The following MYLK variants were observed in gnomAD, a reference collection of about 807,000 sequenced individuals.
MYLK encodes myosin light chain kinase, smooth muscle.
MYLK carries 106 observed loss-of-function variants against 203.4 expected under a neutral mutation model. The observed-to-expected ratio is 0.52, with a 90% CI of 0.45 to 0.61. The LOEUF (loss-of-function observed/expected upper bound fraction) is 0.61, where lower values mean the gene tolerates loss of function less well. MYLK is among the 20% of genes least tolerant of loss of function. MYLK has a pLI of 0.00. For synonymous variants in MYLK, 867 were observed against 959.5 expected (o/e 0.90, Z 1.78); for missense variants, 2,072 against 2,442.3 (o/e 0.85, Z 3.20).
At position 123,700,189 on chromosome 3, in the gene MYLK, G is replaced by T; in HGVS notation, c.3279C>A (p.Ser1093Arg). 1 of 1,613,886 alleles carries T rather than the reference G, an allele frequency of 6.2e-7. No homozygotes were observed. ...GTTDNEKRSE[S>R]QGTAPAFKQK... is the part of the protein sequence containing the mutation. ...GCTTGAAGGCTGGGGCTGTCCCCTG[G>T]CTCTCTGATCTCTTTTCATTATCTG... Residue 1093 changes from serine to arginine, a missense_variant, in exon 18 of 34, where the codon AGC becomes AGA. Transcript: ENST00000360304.
chr3:123,674,838 G>A (rs1050067134), intron 20 of MYLK, among the ~76,000 whole-genome samples: 1 of 152,174 alleles, frequency 6.6e-6, no homozygotes, highest in African/African-American at 2.4e-5. Flanking sequence ...AATGCCCCAC[G>A]GGGTTCATGG....
intron 4 of MYLK, among the ~76,000 whole-genome samples, chr3:123,789,034 T>A (rs2064662064): frequency 6.6e-6 from 1 of 152,136 alleles, no homozygotes; most frequent in Non-Finnish European, 1.5e-5. Context: ...CTTTTCATAC[T>A]TGACTCTGCT....
chr3:123,664,164 G>A lies in MYLK; in HGVS notation c.3926C>T (p.Thr1309Ile), dbSNP rs766916222. 6.8e-6 allele frequency: 11 copies of A among 1,614,154 alleles called. No individual in the cohort carries two copies. In the South Asian group the frequency reaches 1.2e-4, roughly 18 times the overall value. Residue 1309 changes from threonine (T) to isoleucine (I), a missense_variant, in exon 23 of 34, where the codon ACA becomes ATA. By Grantham distance (89) the Thr-to-Ile change is moderately conservative. This residue lies in a region of MYLK where 524 missense variants were observed against 782.4 expected (regional missense o/e 0.67). Coordinates refer to ENST00000360304, the MANE Select transcript of MYLK (RefSeq NM_053025.4). The stretch of plus-strand genomic sequence containing the variant: ...GCCCAGCTTGTTCTCCACCAGCAGT[G>A]TGTAGCAGCCGCAGTGCTCCTGGCG... ...AARQEHCGCY[T>I]LLVENKLGSR... is the part of the protein sequence containing the mutation.
At chr3:123,626,779 G>C in intron 31 of MYLK, 39 bp downstream of exon 31, 1 of 1,613,852 alleles carries the variant, frequency 6.2e-7, no homozygotes, top group Non-Finnish European at 8.5e-7. Context: ...ACACAAATAT[G>C]AGGGGCAACA....
In MYLK at chr3:123,642,376, G is replaced by T. The variant is rs938273892; in HGVS notation, c.4620-1872C>A. On this transcript the variant is annotated intron_variant, in intron 27 of 33. Transcript: ENST00000360304. This position sits in a 1 kb window ranked among gnomAD's most constrained non-coding sequence, Gnocchi z 4.2. The stretch of plus-strand genomic sequence containing the variant: ...GCTCAACACTTATTACTTATCGTTT[G>T]ATAAGCTGTGGTGGGCTAGGTGGAT... 1.3e-5 allele frequency among the ~76,000 whole-genome samples: 2 copies of T among 152,198 alleles called. No individual in the cohort carries two copies. Among genetic ancestry groups the T allele is most frequent in the African/African-American group, 4.8e-5 (2 of 41,438 alleles).
At chr3:123,840,544 C>G (rs1335355467) in intron 2 of MYLK, among the ~76,000 whole-genome samples, 1 of 150,674 alleles carries the variant, frequency 6.6e-6, no homozygotes, top group Non-Finnish European at 1.5e-5. Context: ...TAGAGAACCT[C>G]AATTAAAGAA....
intron 19 of MYLK, among the ~76,000 whole-genome samples, chr3:123,687,079 G>A (rs2060484972): frequency 1.3e-5 from 2 of 152,074 alleles, no homozygotes; most frequent in African/African-American, 4.8e-5. Flanking sequence ...AAAATTAGCT[G>A]GGCGTGTTGG....
intron 1 of MYLK, among the ~76,000 whole-genome samples, chr3:123,883,054 C>T (rs1023141560): frequency 2.0e-5 from 3 of 152,158 alleles, no homozygotes; most frequent in South Asian, 2.1e-4. Context: ...GAAGTGTGGG[C>T]GGGGTTCCCC....
At position 123,727,698 on chromosome 3, in the gene MYLK, C is replaced by A. The variant is rs758087865; in HGVS notation, c.1517-1620G>T. ...AGGGATAGAGTAGGAGCTGCAGGGG[C>A]TCTCAAGTGGAAGGAAGATTTTCTT... On this transcript the variant is annotated intron_variant, in intron 11 of 33. Coordinates refer to ENST00000360304, the MANE Select transcript of MYLK (RefSeq NM_053025.4). Among the ~76,000 whole-genome samples, 11 of 152,016 alleles carry A rather than the reference C, an allele frequency of 7.2e-5. No homozygotes were observed. In the South Asian group the frequency reaches 8.3e-4, roughly 11 times the overall value.
chr3:123,713,577 CAATGT>C (rs1348750069), intron 13 of MYLK, among the ~76,000 whole-genome samples: 295 of 109,286 alleles, frequency 2.7e-3, no homozygotes, highest in Admixed American at 9.5e-3. Flanking sequence ...AAGAGCAACA[CAATGT>C]GTGTGTGTGT....
intron 2 of MYLK, among the ~76,000 whole-genome samples, chr3:123,844,468 C>T (rs1052731379): frequency 9.9e-5 from 15 of 152,170 alleles, no homozygotes; most frequent in African/African-American, 3.6e-4. Context: ...TCCCTGCCTT[C>T]AGAGGGGTCT....
rs543404538 is a variant in MYLK at position 123,699,462 on chromosome 3, C to T, written c.3448+558G>A. On this transcript the variant is annotated intron_variant, in intron 18 of 33. Transcript: ENST00000360304. ...GGCTGTTTTGGGATTTTGGGTTTCC[C>T]GACAGATCCCTTCAAACCCACAGTG... is the stretch of plus-strand genomic sequence containing the variant. Among the ~76,000 whole-genome samples, 3 of 152,280 alleles carry T rather than the reference C, an allele frequency of 2.0e-5. No individual in the cohort carries two copies. The South Asian group carries it at 6.2e-4, about 32-fold the overall frequency.
chr3:123,614,461 A>C, intron 33 of MYLK, 112 bp from the exon 34 acceptor site: 1 of 1,291,372 alleles, frequency 7.7e-7, no homozygotes, highest in Non-Finnish European at 1.1e-6. Flanking sequence ...TTAAGGAGAA[A>C]ATTTTGATGT....
At chr3:123,674,006 C>G (rs560537188) in intron 20 of MYLK, among the ~76,000 whole-genome samples, 6 of 152,222 alleles carry the variant, frequency 3.9e-5, no homozygotes, top group Non-Finnish European at 2.9e-5. Context: ...TTGAGCTCCT[C>G]TTTCTATCCC....
At chr3:123,858,735 C>G (rs376218079) in intron 2 of MYLK, among the ~76,000 whole-genome samples, 2 of 152,094 alleles carry the variant, frequency 1.3e-5, no homozygotes, top group African/African-American at 4.8e-5. Context: ...CCCACATGAC[C>G]TAATCACCCC....
At chr3:123,837,162 T>A (rs1397474811) in intron 2 of MYLK, among the ~76,000 whole-genome samples, 2 of 152,084 alleles carry the variant, frequency 1.3e-5, no homozygotes, top group Non-Finnish European at 2.9e-5. Flanking sequence ...GCCTCCTGAG[T>A]AGCTGGGTTA....
chr3:123,774,865 C>G (rs1471557329), intron 4 of MYLK, among the ~76,000 whole-genome samples: 1 of 152,050 alleles, frequency 6.6e-6, no homozygotes, highest in Non-Finnish European at 1.5e-5. Flanking sequence ...GGGTCTTGTT[C>G]ACTACTAGTG....
chr3:123,804,794 T>C lies in MYLK; in HGVS notation c.-3-10950A>G, dbSNP rs1214393605. On this transcript the variant is annotated intron_variant, in intron 3 of 33. Coordinates refer to ENST00000360304, the MANE Select transcript of MYLK (RefSeq NM_053025.4). Reference sequence around the variant, plus strand: ...AGTTTAGGGGAGGCACCAGGTCCCATGGCCTGTTTCCCCTGAGAAAACATT... The same window carrying C: ...AGTTTAGGGGAGGCACCAGGTCCCACGGCCTGTTTCCCCTGAGAAAACATT... Among the ~76,000 whole-genome samples, 12 of 152,180 alleles carry C rather than the reference T, an allele frequency of 7.9e-5. No individual in the cohort carries two copies. In the East Asian group the frequency reaches 2.1e-3, roughly 27 times the overall value.
intron 31 of MYLK, among the ~76,000 whole-genome samples, chr3:123,625,469 A>G (rs1437086022): frequency 1.4e-5 from 2 of 145,586 alleles, no homozygotes; most frequent in Non-Finnish European, 3.0e-5. Flanking sequence ...CTTTGTCTCG[A>G]GGAAAAAAAA....
Sources: gnomAD v4.1 joint callset for allele counts (sites outside exome capture counted in the v4.1 genomes callset) on GRCh38, gnomAD v4.1.1 for gene constraint, gnomAD v4.1.1 regional missense constraint, Gnocchi (gnomAD v3.1) non-coding constraint, MANE v1.5 for transcripts, NCBI Gene and HGNC (gene_info 2026-07-23, HGNC 2026-07-21) for gene names.